The following WDR70 variants were observed in gnomAD, a reference collection of about 807,000 sequenced individuals.
WDR70 encodes the protein WD repeat-containing protein 70.
A neutral mutation model predicts 88.6 loss-of-function variants in WDR70; 53 were observed. The observed-to-expected ratio is 0.60, with a 90% CI of 0.48 to 0.75. The LOEUF (loss-of-function observed/expected upper bound fraction) is 0.75. WDR70 is among the 30% of genes least tolerant of loss of function. The probability of loss-of-function intolerance (pLI) is 0.00; values close to 1 mark genes in which losing one functional copy is unlikely to be tolerated. For missense variants in WDR70, 610 were observed against 823.2 expected, an observed-to-expected ratio of 0.74 and a Z score of 3.17; for synonymous variants, 280 against 270.0, an observed-to-expected ratio of 1.04 and a Z score of -0.36.
At chr5:37,420,685 G>A (rs1376615665) in intron 5 of WDR70, among the ~76,000 whole-genome samples, 1 of 152,074 alleles carries the variant, frequency 6.6e-6, no homozygotes, top group Non-Finnish European at 1.5e-5. Context: ...CTCACTTTGG[G>A]AGGATGACAT....
At chr5:37,650,704 G>A (rs1441640858) in intron 10 of WDR70, among the ~76,000 whole-genome samples, 1 of 152,078 alleles carries the variant, frequency 6.6e-6, no homozygotes, top group East Asian at 1.9e-4. Flanking sequence ...TATTTGCATG[G>A]TAGGTAATTG....
intron 10 of WDR70, among the ~76,000 whole-genome samples, chr5:37,623,596 C>T (rs1216303642): frequency 6.6e-6 from 1 of 152,094 alleles, no homozygotes; most frequent in Admixed American, 6.5e-5. Context: ...TCATAGAGCT[C>T]AAGTTAATAC....
intron 10 of WDR70, among the ~76,000 whole-genome samples, chr5:37,627,789 G>C (rs141649417): frequency 6.6e-6 from 1 of 152,076 alleles, no homozygotes; most frequent in African/African-American, 2.4e-5. Flanking sequence ...GATAAGATGC[G>C]TCATATCTTG....
At chr5:37,595,970 C>T (rs946095066) in intron 9 of WDR70, among the ~76,000 whole-genome samples, 6 of 151,794 alleles carry the variant, frequency 4.0e-5, no homozygotes, top group African/African-American at 1.5e-4. Context: ...GAATAGCCAG[C>T]GCTTTCTTTG....
intron 17 of WDR70, among the ~76,000 whole-genome samples, chr5:37,738,833 C>A (rs1748382157): frequency 6.6e-6 from 1 of 152,170 alleles, no homozygotes; most frequent in African/African-American, 2.4e-5. Context: ...ATCAGCTATC[C>A]AGAATTTATA....
chr5:37,614,966 A>G (rs1744292632), intron 10 of WDR70, among the ~76,000 whole-genome samples: 1 of 152,132 alleles, frequency 6.6e-6, no homozygotes, highest in Non-Finnish European at 1.5e-5. Context: ...GAGAGAAAAT[A>G]GAGACTAGTA....
intron 9 of WDR70, among the ~76,000 whole-genome samples, chr5:37,576,513 A>G (rs1156469711): frequency 6.6e-6 from 1 of 152,180 alleles, no homozygotes; most frequent in East Asian, 1.9e-4. Context: ...TAGAAGAACC[A>G]GTTAATTTTT....
chr5:37,702,855 T>C, intron 12 of WDR70, 94 bp from the exon 13 acceptor site: 1 of 1,328,798 alleles, frequency 7.5e-7, no homozygotes, highest in Non-Finnish European at 1.0e-6. Flanking sequence ...ATATAGGAGT[T>C]ACAGAGATGT....
At chr5:37,414,926 G>A (rs1581259903) in intron 5 of WDR70, among the ~76,000 whole-genome samples, 1 of 136,128 alleles carries the variant, frequency 7.3e-6, no homozygotes, top group South Asian at 2.1e-4. Flanking sequence ...AGAGGACCCT[G>A]CGGCCTTCCG....
chr5:37,717,903 T>G (rs1171180699), intron 13 of WDR70, among the ~76,000 whole-genome samples: 1 of 152,230 alleles, frequency 6.6e-6, no homozygotes, highest in East Asian at 1.9e-4. Flanking sequence ...TAAATTTTGT[T>G]TCTTCATTTC....
At chr5:37,403,444 C>T (rs1249870630) in intron 5 of WDR70, among the ~76,000 whole-genome samples, 3 of 152,172 alleles carry the variant, frequency 2.0e-5, no homozygotes, top group African/African-American at 7.2e-5. Flanking sequence ...ATTAAACTAC[C>T]TGTAACACAA....
In WDR70 at chr5:37,556,927, G is replaced by A. The variant is rs1466060212; in HGVS notation, c.917+40337G>A. ...TAACTAGGTTGAGCCTCTTGTGGAG[G>A]TTGGGAGCCAACTGCCAGTCCTGTT... On this transcript the variant is annotated intron_variant, in intron 9 of 17. Transcript: ENST00000265107. Among the ~76,000 whole-genome samples, 17 of 152,192 alleles carry A rather than the reference G, an allele frequency of 1.1e-4. No individual in the cohort carries two copies. The East Asian group carries it at 2.1e-3, about 19-fold the overall frequency.
intron 9 of WDR70, among the ~76,000 whole-genome samples, chr5:37,546,276 C>T (rs1446789552): frequency 6.6e-6 from 1 of 152,112 alleles, no homozygotes; most frequent in African/African-American, 2.4e-5. Context: ...GTCACATTAA[C>T]CTTGCTGTAA....
chr5:37,499,587 T>TTTTCTCTCTCTCTCCCTCTTTTTC (rs1554144047), intron 8 of WDR70, among the ~76,000 whole-genome samples: 3 of 41,856 alleles, frequency 7.2e-5, no homozygotes, highest in African/African-American at 1.8e-4. Flanking sequence ...TTTGGAAATA[T>TTTTCTCTCTCTCTCCCTCTTTTTC]TCTCTCTCTC....
chr5:37,459,319 G>A (rs1384177555), intron 7 of WDR70, among the ~76,000 whole-genome samples: 1 of 146,114 alleles, frequency 6.8e-6, no homozygotes, highest in Non-Finnish European at 1.5e-5. Context: ...TTGGGGTGGA[G>A]AGTTCTGTAG....
At chr5:37,646,340 A>G (rs960286774) in intron 10 of WDR70, among the ~76,000 whole-genome samples, 4 of 152,018 alleles carry the variant, frequency 2.6e-5, no homozygotes, top group African/African-American at 9.7e-5. Flanking sequence ...CATGTCTTGA[A>G]GAATTGTTTT....
chr5:37,528,001 A>G (rs549325668), intron 9 of WDR70, among the ~76,000 whole-genome samples: 111 of 152,316 alleles, frequency 7.3e-4, no homozygotes, highest in Admixed American at 3.1e-3. Context: ...GAGGATGTGG[A>G]GAAATAGGAA....
rs147225459 is a variant in WDR70 at position 37,476,809 on chromosome 5, A to G, written c.687-3025A>G. Among the ~76,000 whole-genome samples, 23 of 151,750 alleles carry G rather than the reference A, an allele frequency of 1.5e-4. No homozygotes were observed. The East Asian group carries it at 4.3e-3, about 28-fold the overall frequency. Reference sequence around the variant, plus strand: ...GTGATCCACCTGCCTTGGCCTCCCAAACTGTGGCGTGAGCCACTGTGCCTG... The same window carrying G: ...GTGATCCACCTGCCTTGGCCTCCCAGACTGTGGCGTGAGCCACTGTGCCTG... On this transcript the variant is annotated intron_variant, in intron 7 of 17. Transcript: ENST00000265107.
At chr5:37,443,999 A>G (rs1738378727) in intron 7 of WDR70, among the ~76,000 whole-genome samples, 1 of 151,376 alleles carries the variant, frequency 6.6e-6, no homozygotes, top group Non-Finnish European at 1.5e-5. Context: ...AAATATAAAA[A>G]CAAGCCAGGC....
Sources: allele counts gnomAD v4.1 joint callset (sites outside exome capture counted in the v4.1 genomes callset), GRCh38; gene constraint gnomAD v4.1.1; transcripts MANE v1.5; gene names NCBI Gene and HGNC (gene_info 2026-07-23, HGNC 2026-07-21).